The following CPE variants were observed in gnomAD, a reference collection of about 807,000 sequenced individuals.
The protein encoded by CPE is carboxypeptidase E, also known as carbocypeptidase E.
Under a neutral mutation model 53.5 loss-of-function variants are expected in CPE, and 17 were observed. The observed-to-expected ratio is 0.32, with a 90% CI of 0.22 to 0.48. The LOEUF is 0.48. Ranked by LOEUF, CPE falls within the 20% of genes least tolerant of loss-of-function variation. CPE has a pLI of 0.99. For synonymous variants in CPE, 226 were observed against 228.8 expected (o/e 0.99, Z 0.11); for missense variants, 524 against 614.7 (o/e 0.85, Z 1.56).
intron 1 of CPE, among the ~76,000 whole-genome samples, chr4:165,403,442 T>C (rs140288637): frequency 9.8e-5 from 15 of 152,316 alleles, no homozygotes; most frequent in East Asian, 1.9e-4. Flanking sequence ...TGGAGTGGTA[T>C]GGAAAATGTT....
rs758894875 is a variant in CPE, at chr4:165,487,553, C to A, written c.1089C>A (p.Asn363Lys). ...TLKTYWEDNK[N>K]SLISYLEQIH... ...AGACCTACTGGGAGGATAACAAAAA[C>A]TCCCTCATTAGCTACCTTGAGCAGG... is the stretch of plus-strand genomic sequence containing the variant. Residue 363 changes from asparagine to lysine, a missense_variant, in exon 6 of 9, where the codon AAC becomes AAA. Transcript: ENST00000402744. 1 of 1,614,066 alleles carries A rather than the reference C, an allele frequency of 6.2e-7. No homozygotes were observed. Among genetic ancestry groups the A allele is most frequent in the Non-Finnish European group, 8.5e-7 (1 of 1,179,980 alleles).
At chr4:165,399,701 AT>A (rs1339197945) in intron 1 of CPE, among the ~76,000 whole-genome samples, 3 of 152,156 alleles carry the variant, frequency 2.0e-5, no homozygotes, top group African/African-American at 7.2e-5. Context: ...AGTTCCCTAT[AT>A]ACTAGGGAGG....
At chr4:165,409,469 G>A (rs1579248430) in intron 1 of CPE, among the ~76,000 whole-genome samples, 1 of 152,320 alleles carries the variant, frequency 6.6e-6, no homozygotes, top group East Asian at 1.9e-4. Context: ...CTCCCGAAGT[G>A]CTGGGATTAT....
chr4:165,428,700 T>C (rs68185452), intron 1 of CPE, among the ~76,000 whole-genome samples: 44,914 of 152,022 alleles, frequency 0.3, 6,727 homozygotes, highest in Middle Eastern at 0.39. Flanking sequence ...TTCCTTTCCT[T>C]TTCCAGCTCC....
intron 6 of CPE, among the ~76,000 whole-genome samples, chr4:165,491,416 C>T (rs1175458659): frequency 1.3e-5 from 2 of 152,176 alleles, no homozygotes; most frequent in East Asian, 1.9e-4. Flanking sequence ...AATGGGGCCT[C>T]ATTTTAAGAA....
At chr4:165,496,017 GA>G (rs908995076) in intron 8 of CPE, among the ~76,000 whole-genome samples, 13 of 149,488 alleles carry the variant, frequency 8.7e-5, no homozygotes, top group African/African-American at 2.9e-4. Context: ...ATAAGTATTT[GA>G]AAAAAAAATG....
intron 1 of CPE, among the ~76,000 whole-genome samples, chr4:165,455,006 G>T (rs1731877588): frequency 6.6e-6 from 1 of 152,144 alleles, no homozygotes; most frequent in African/African-American, 2.4e-5. Context: ...CTGGAGTTTT[G>T]CAGAACAAAC....
Position 165,476,786 on chromosome 4 carries a change from A to G in CPE, c.673-5456A>G, listed in dbSNP as rs140811180. Among the ~76,000 whole-genome samples the G allele has an allele frequency of 2.6e-3, 395 of 152,324 alleles. 5 individuals are homozygous for G. Among genetic ancestry groups the G allele is most frequent in the African/African-American group, 8.8e-3 (366 of 41,560 alleles). On this transcript the variant is annotated intron_variant, in intron 3 of 8. Coordinates refer to ENST00000402744, the MANE Select transcript of CPE (RefSeq NM_001873.4). ...GCTACCAAAGGCTGAGGACACTGGC[A>G]GAACCTGATAAGTGAGTGACTTAAG...
chr4:165,476,666 CTAA>C (rs1220578521), intron 3 of CPE, among the ~76,000 whole-genome samples: 2 of 152,134 alleles, frequency 1.3e-5, no homozygotes, highest in African/African-American at 2.4e-5. Flanking sequence ...CGCCCATCAC[CTAA>C]TGTTTGCCTG....
intron 3 of CPE, among the ~76,000 whole-genome samples, chr4:165,475,642 AAGG>A: frequency 6.6e-6 from 1 of 152,252 alleles, no homozygotes; most frequent in South Asian, 2.1e-4. Context: ...GTGGAGTAAA[AAGG>A]AGAATAGGCA....
At chr4:165,388,711 G>A (rs1730636330) in intron 1 of CPE, among the ~76,000 whole-genome samples, 1 of 152,172 alleles carries the variant, frequency 6.6e-6, no homozygotes, top group Non-Finnish European at 1.5e-5. Context: ...GACAATATCT[G>A]TAGGGGAAAC....
intron 1 of CPE, among the ~76,000 whole-genome samples, chr4:165,410,090 A>C (rs1047404880): frequency 3.9e-5 from 6 of 152,148 alleles, no homozygotes; most frequent in African/African-American, 1.4e-4. Context: ...CTTTACTAAA[A>C]ATACAAAAAT....
intron 1 of CPE, among the ~76,000 whole-genome samples, chr4:165,409,939 CACAG>C (rs541554186): frequency 8.6e-5 from 13 of 151,906 alleles, no homozygotes; most frequent in African/African-American, 3.1e-4. Context: ...ACACAAAAAA[CACAG>C]ACAAACAAAC....
chr4:165,492,853 G>A (rs1393966024), intron 6 of CPE, among the ~76,000 whole-genome samples: 1 of 152,144 alleles, frequency 6.6e-6, no homozygotes, highest in Non-Finnish European at 1.5e-5. Flanking sequence ...CTTCTTTGGA[G>A]GCAGAAATTG....
intron 1 of CPE, among the ~76,000 whole-genome samples, chr4:165,444,232 G>T (rs1731663374): frequency 6.6e-6 from 1 of 152,116 alleles, no homozygotes; most frequent in Admixed American, 6.6e-5. Context: ...CTTGCCCAAA[G>T]TTTAACAGCT....
chr4:165,481,012 A>ATTT (rs1332936191), intron 3 of CPE, among the ~76,000 whole-genome samples: 234 of 50,030 alleles, frequency 4.7e-3, no homozygotes, highest in African/African-American at 0.012. Flanking sequence ...ATATATATAT[A>ATTT]TATATTTTTT....
intron 3 of CPE, among the ~76,000 whole-genome samples, chr4:165,481,876 T>C (rs1016731872): frequency 7.9e-5 from 12 of 152,224 alleles, no homozygotes; most frequent in African/African-American, 2.9e-4. Flanking sequence ...TCTCCTCATA[T>C]TATCCTTAAC....
At chr4:165,396,737 T>G (rs1730772318) in intron 1 of CPE, among the ~76,000 whole-genome samples, 1 of 149,596 alleles carries the variant, frequency 6.7e-6, no homozygotes, top group African/African-American at 2.5e-5. Context: ...ATATTTAAGG[T>G]TAGAGAAGAA....
chr4:165,458,153 G>A (rs1489523312), intron 1 of CPE, among the ~76,000 whole-genome samples: 1 of 152,190 alleles, frequency 6.6e-6, no homozygotes, highest in African/African-American at 2.4e-5. Flanking sequence ...AGGCCCATCT[G>A]TTCCAAAGAT....
Sources: gnomAD v4.1 joint callset for allele counts (sites outside exome capture counted in the v4.1 genomes callset) on GRCh38, gnomAD v4.1.1 for gene constraint, MANE v1.5 for transcripts, NCBI Gene and HGNC (gene_info 2026-07-23, HGNC 2026-07-21) for gene names.